SPON2: variants seen among roughly 807,000 people sequenced by gnomAD.
SPON2 encodes the protein spondin-2.
SPON2 carries 32 observed loss-of-function variants against 29.9 expected under a neutral mutation model. That is an observed-to-expected ratio of 1.07 (90% CI 0.81 to 1.44). The LOEUF is 1.44. SPON2 is among the 40% of genes most tolerant of loss of function. SPON2 has a pLI of 0.00. For missense variants in SPON2, 541 were observed against 455.5 expected (o/e 1.19, Z -1.71); for synonymous variants, 248 against 209.1 (o/e 1.19, Z -1.61).
chr4:1,206,025 G>C (rs1230572529), intron 1 of SPON2, among the ~76,000 whole-genome samples: 1 of 152,000 alleles, frequency 6.6e-6, no homozygotes, highest in Non-Finnish European at 1.5e-5. Context: ...GTTGGGGGCG[G>C]AGCTTTTGGG....
intron 4 of SPON2, 74 bp from the exon 5 acceptor site, chr4:1,170,650 GGCCACT>G (rs1727399439): frequency 6.6e-7 from 1 of 1,504,748 alleles, no homozygotes; most frequent in Non-Finnish European, 9.1e-7. Context: ...GCCTCACTGG[GGCCACT>G]GCCCAGCGTC....
At position 1,170,414 on chromosome 4, in the gene SPON2, C is replaced by A; in HGVS notation, c.799G>T (p.Asp267Tyr). 6.2e-7 allele frequency: 1 copy of A among 1,613,486 alleles called. No homozygotes were observed. Among genetic ancestry groups the A allele is most frequent in the Non-Finnish European group, 8.5e-7 (1 of 1,179,814 alleles). ...GTATGTCCGTTACCTGAGGCGCTGT[C>A]TACAATCTCATTGTCCCTGCTGGGC... is the stretch of plus-strand genomic sequence containing the variant. ...VLPSRDNEIVDSASVPETPLD... is the reference protein window; with the variant it reads ...VLPSRDNEIVYSASVPETPLD... Residue 267 changes from aspartate to tyrosine, a missense_variant, in exon 5 of 6, where the codon GAC becomes TAC. Transcript: ENST00000290902.
chr4:1,172,484 C>A, intron 1 of SPON2, 60 bp downstream of exon 1: 1 of 235,786 alleles, frequency 4.2e-6, no homozygotes, highest in Non-Finnish European at 8.3e-6. Flanking sequence ...TTCTGGGCCG[C>A]GGGGAAAGTG....
At chr4:1,172,299 G>A in intron 1 of SPON2, 1 of 591,400 alleles carries the variant, frequency 1.7e-6, no homozygotes, top group Admixed American at 3.0e-5. Flanking sequence ...CAGGGGTAAC[G>A]GGCAGGTTTT....
intron 5 of SPON2, 167 bp downstream of exon 5, chr4:1,170,232 ATCT>A: frequency 2.9e-6 from 2 of 692,688 alleles, no homozygotes; most frequent in Non-Finnish European, 5.0e-6. Context: ...CAAGAGTCAC[ATCT>A]TCAGTGTGTG....
rs566608483 is a variant in SPON2, at chr4:1,191,767, G to A, written c.-239+3223C>T. Among the ~76,000 whole-genome samples, 10 of 152,362 alleles carry A rather than the reference G, an allele frequency of 6.6e-5. 1 individual carries two copies. The South Asian group carries it at 2.1e-3, about 32-fold the overall frequency. ...TAGGCCCTGCCTGGAGGGGACACCA[G>A]AACCATAGGGTGTGTGCGAGGCAGC... is the stretch of plus-strand genomic sequence containing the variant. On this transcript the variant is annotated intron_variant, in intron 1 of 3. Coordinates refer to the SPON2 transcript ENST00000502483.
chr4:1,176,828 T>G (rs1336290742), upstream of SPON2, among the ~76,000 whole-genome samples: 5 of 129,226 alleles, frequency 3.9e-5, no homozygotes, highest in Non-Finnish European at 8.2e-5. Flanking sequence ...GTTCATTCAT[T>G]CATTCACACA....
At chr4:1,194,530 C>T (rs1023614390) in intron 1 of SPON2, among the ~76,000 whole-genome samples, 2 of 152,174 alleles carry the variant, frequency 1.3e-5, no homozygotes, top group African/African-American at 4.8e-5. Context: ...TGGGACAGGG[C>T]GGCTTGCACA....
intron 1 of SPON2, among the ~76,000 whole-genome samples, chr4:1,185,989 A>G (rs139814229): frequency 1.3e-5 from 2 of 151,658 alleles, no homozygotes; most frequent in African/African-American, 4.8e-5. Context: ...TCACGCCTGT[A>G]ATCCCAGCAC....
upstream of SPON2, among the ~76,000 whole-genome samples, chr4:1,174,511 C>CA (rs1192907871): frequency 7.4e-5 from 10 of 135,998 alleles, no homozygotes; most frequent in African/African-American, 1.2e-4. Context: ...AACAAAAAAA[C>CA]AAAAAACAAA....
In SPON2 at chr4:1,195,056, G is replaced by A. The variant is rs371918114; in HGVS notation, c.-305C>T. Reference sequence around the variant, plus strand: ...CCCCGCAGCCGGCGGCTCCAACCCCGCAGCCGGCGTCTCCAACCCCGCAGC... The same window carrying A: ...CCCCGCAGCCGGCGGCTCCAACCCCACAGCCGGCGTCTCCAACCCCGCAGC... On this transcript the variant is annotated 5_prime_UTR_variant, in exon 1 of 4. Transcript: ENST00000502483. 53 of 93,076 alleles carry A rather than the reference G, an allele frequency of 5.7e-4. 1 individual carries two copies. Among genetic ancestry groups the A allele is most frequent in the East Asian group, 1.2e-3 (3 of 2,514 alleles). 5.8% of individuals were successfully genotyped at this position (93,076 alleles called of 1,614,324 possible).
chr4:1,196,675 G>C (rs1728077186), upstream of SPON2, among the ~76,000 whole-genome samples: 1 of 152,230 alleles, frequency 6.6e-6, no homozygotes, highest in Admixed American at 6.5e-5. Context: ...CCAGCAGAGA[G>C]AGCACGAGGC....
intron 1 of SPON2, chr4:1,201,316 C>G (rs1399768671): frequency 5.5e-6 from 2 of 360,680 alleles, no homozygotes; most frequent in Non-Finnish European, 1.1e-5. Flanking sequence ...TGGCTTCAGG[C>G]ACTTCCAAGC....
chr4:1,201,585 C>CTT (rs762283392), intron 1 of SPON2: 56 of 146,686 alleles, frequency 3.8e-4, no homozygotes, highest in African/African-American at 8.9e-4. Flanking sequence ...CTGATGCTGA[C>CTT]TTTTTTTTTT....
intron 1 of SPON2, 111 bp from the exon 2 acceptor site, chr4:1,172,185 G>T: frequency 1.1e-6 from 1 of 871,746 alleles, no homozygotes; most frequent in Non-Finnish European, 1.7e-6. Flanking sequence ...CCGAGCACCC[G>T]CGACCCCCTC....
chr4:1,207,694 C>G (rs1338533851), intron 1 of SPON2, among the ~76,000 whole-genome samples: 1 of 151,888 alleles, frequency 6.6e-6, no homozygotes, highest in Non-Finnish European at 1.5e-5. Context: ...GGTCCGGCTG[C>G]CTAACCATGC....
At chr4:1,186,069 C>T (rs560567440) in intron 1 of SPON2, among the ~76,000 whole-genome samples, 12 of 142,910 alleles carry the variant, frequency 8.4e-5, no homozygotes, top group South Asian at 6.8e-4. Flanking sequence ...ACGGTGAAAC[C>T]CCATCTCTAC....
At chr4:1,186,014 G>GC (rs1727788607) in intron 1 of SPON2, among the ~76,000 whole-genome samples, 1 of 151,230 alleles carries the variant, frequency 6.6e-6, no homozygotes, top group African/African-American at 2.4e-5. Flanking sequence ...GGAGGCCGAG[G>GC]CGGGCGGATC....
At chr4:1,180,536 G>A (rs569603590) in intron 1 of SPON2, among the ~76,000 whole-genome samples, 1 of 152,302 alleles carries the variant, frequency 6.6e-6, no homozygotes, top group East Asian at 1.9e-4. Context: ...GATAGAGACT[G>A]TCATTGAGGA....
Sources: allele counts gnomAD v4.1 joint callset (sites outside exome capture counted in the v4.1 genomes callset), GRCh38; gene constraint gnomAD v4.1.1; transcripts MANE v1.5; gene names NCBI Gene and HGNC (gene_info 2026-07-23, HGNC 2026-07-21).